Variants in HACE1 observed in about 807,000 individuals in gnomAD.
The protein encoded by HACE1 is E3 ubiquitin-protein ligase HACE1.
HACE1 carries 73 observed loss-of-function variants against 118.4 expected under a neutral mutation model. That is an observed-to-expected ratio of 0.62 (90% confidence interval 0.51 to 0.75). The LOEUF is 0.75. Among genes scored for constraint, HACE1 ranks in the 30% least tolerant of loss-of-function variants. The pLI, the probability that HACE1 is intolerant of heterozygous loss-of-function variation, is 0.00. For synonymous variants in HACE1, 368 were observed against 374.8 expected (o/e 0.98, Z 0.21); for missense variants, 749 against 1,102.2 (o/e 0.68, Z 4.54).
At chr6:104,795,532 A>G in intron 10 of HACE1, 47 bp downstream of exon 10, 1 of 1,070,098 alleles carries the variant, frequency 9.3e-7, no homozygotes, top group South Asian at 1.2e-5. Context: ...AGGTGAAGCC[A>G]ACAGACACTG....
At chr6:104,798,069 GAAAA>G (rs11331345) in intron 7 of HACE1, among the ~76,000 whole-genome samples, 1 of 128,212 alleles carries the variant, frequency 7.8e-6, no homozygotes, top group African/African-American at 2.8e-5. Flanking sequence ...ACCCCGTCTC[GAAAA>G]AAAAAAAAAA....
At chr6:104,849,345 C>T in intron 3 of HACE1, 99 bp from the exon 4 acceptor site, 2 of 821,844 alleles carry the variant, frequency 2.4e-6, no homozygotes, top group Non-Finnish European at 4.2e-6. Flanking sequence ...ACACAATTTT[C>T]TTTTTGTTTT....
chr6:104,803,414 A>G (rs1770618935), intron 7 of HACE1, among the ~76,000 whole-genome samples: 1 of 152,224 alleles, frequency 6.6e-6, no homozygotes, highest in Non-Finnish European at 1.5e-5. Flanking sequence ...ACAACAAAAA[A>G]AGAGAATTTT....
At chr6:104,780,281 AAC>A (rs143353438) in intron 14 of HACE1, 3,235 of 361,736 alleles carry the variant, frequency 8.9e-3, no homozygotes, top group South Asian at 0.014. Flanking sequence ...GCTCAGATCA[AAC>A]ACACACACAC....
At chr6:104,761,536 C>G (rs2114646195) in intron 19 of HACE1, among the ~76,000 whole-genome samples, 1 of 152,254 alleles carries the variant, frequency 6.6e-6, no homozygotes, top group South Asian at 2.1e-4. Flanking sequence ...ATACTTTATA[C>G]AAAAATCAAC....
chr6:104,750,943 G>A (rs6940522), intron 19 of HACE1, among the ~76,000 whole-genome samples: 30,641 of 152,034 alleles, frequency 0.2, 3,834 homozygotes, highest in African/African-American at 0.36. Context: ...ACTCAGATCC[G>A]GCAGCTCTCT....
intron 22 of HACE1, among the ~76,000 whole-genome samples, chr6:104,737,967 G>A (rs1187478530): frequency 4.6e-5 from 7 of 152,210 alleles, no homozygotes; most frequent in African/African-American, 1.4e-4. Flanking sequence ...CTCCCATCAC[G>A]CAGCTGGAGA....
intron 7 of HACE1, among the ~76,000 whole-genome samples, chr6:104,798,681 T>C (rs1769965360): frequency 6.6e-6 from 1 of 152,192 alleles, no homozygotes; most frequent in African/African-American, 2.4e-5. Flanking sequence ...CAAGATGTTA[T>C]AAACAATAGC....
intron 19 of HACE1, among the ~76,000 whole-genome samples, chr6:104,759,443 A>ATGAC (rs1027526059): frequency 6.6e-6 from 1 of 152,240 alleles, no homozygotes; most frequent in Admixed American, 6.5e-5. Context: ...GCGCTCCTGA[A>ATGAC]TGACTACAGG....
At chr6:104,758,314 C>A (rs13214890) in intron 19 of HACE1, among the ~76,000 whole-genome samples, 1 of 152,056 alleles carries the variant, frequency 6.6e-6, no homozygotes, top group African/African-American at 2.4e-5. Flanking sequence ...GTCGGGTTAC[C>A]CACAAAGGGA....
chr6:104,859,466 C>G (rs1409525436), intron 1 of HACE1, 101 bp downstream of exon 1: 4 of 911,082 alleles, frequency 4.4e-6, no homozygotes, highest in South Asian at 1.7e-5. Context: ...GTTTTCTCAG[C>G]TTTCAGTTAG....
chr6:104,844,383 G>A (rs1335869271), intron 4 of HACE1, among the ~76,000 whole-genome samples: 1 of 135,446 alleles, frequency 7.4e-6, no homozygotes, highest in Non-Finnish European at 1.6e-5. Context: ...ACTCTTTGTT[G>A]CCCAGGCTGG....
intron 22 of HACE1, among the ~76,000 whole-genome samples, chr6:104,738,553 G>A (rs923062178): frequency 6.7e-6 from 1 of 149,494 alleles, no homozygotes; most frequent in African/African-American, 2.5e-5. Context: ...TGATCAACAG[G>A]AAGAAAGGGT....
intron 19 of HACE1, among the ~76,000 whole-genome samples, chr6:104,752,959 T>C (rs1197237966): frequency 6.6e-6 from 1 of 152,146 alleles, no homozygotes; most frequent in East Asian, 1.9e-4. Flanking sequence ...AATAATGAAA[T>C]CCTAGCTATC....
intron 22 of HACE1, among the ~76,000 whole-genome samples, chr6:104,740,327 C>T (rs1776504161): frequency 1.3e-5 from 2 of 149,910 alleles, no homozygotes; most frequent in Non-Finnish European, 3.0e-5. Flanking sequence ...CAGAGCAGAA[C>T]TGAAGGAAAT....
intron 22 of HACE1, among the ~76,000 whole-genome samples, chr6:104,738,692 T>C (rs974624257): frequency 3.3e-5 from 5 of 149,812 alleles, no homozygotes; most frequent in Admixed American, 2.7e-4. Context: ...CTATGTCTGA[T>C]TGGTGGACCT....
intron 5 of HACE1, among the ~76,000 whole-genome samples, chr6:104,841,563 T>A (rs1775122862): frequency 6.6e-6 from 1 of 152,152 alleles, no homozygotes; most frequent in Non-Finnish European, 1.5e-5. Context: ...ACAGGAATTG[T>A]AGATTCCATA....
intron 7 of HACE1, among the ~76,000 whole-genome samples, chr6:104,805,396 C>T (rs1770877442): frequency 6.6e-6 from 1 of 152,180 alleles, no homozygotes. Flanking sequence ...TATAAAGACA[C>T]ATGGATACAT....
At chr6:104,839,945 G>A (rs752266775) in intron 5 of HACE1, among the ~76,000 whole-genome samples, 3 of 152,196 alleles carry the variant, frequency 2.0e-5, no homozygotes, top group Non-Finnish European at 4.4e-5. Context: ...GGCGGAGGTT[G>A]CAGTGAGCTG....
Sources: allele counts gnomAD v4.1 joint callset (sites outside exome capture counted in the v4.1 genomes callset), GRCh38; gene constraint gnomAD v4.1.1; transcripts MANE v1.5; gene names NCBI Gene and HGNC (gene_info 2026-07-23, HGNC 2026-07-21).